The following C10orf90 variants were observed in gnomAD, a reference collection of about 807,000 sequenced individuals.
The protein encoded by C10orf90 is (E2-independent) E3 ubiquitin-conjugating enzyme FATS.
C10orf90 carries 56 observed loss-of-function variants against 62.5 expected under a neutral mutation model. The ratio of observed to expected loss-of-function variants is 0.90; its 90% confidence interval spans 0.72 to 1.12. The LOEUF (loss-of-function observed/expected upper bound fraction) is 1.12. Among genes scored for constraint, C10orf90 ranks in the 50% most tolerant of loss-of-function variants. The pLI is 0.00. For missense variants in C10orf90, 970 were observed against 880.4 expected, an observed-to-expected ratio of 1.10 and a Z score of -1.29; for synonymous variants, 386 against 340.4, an observed-to-expected ratio of 1.13 and a Z score of -1.47.
At chr10:126,491,017 G>C (rs1396887704) in intron 4 of C10orf90, among the ~76,000 whole-genome samples, 1 of 152,144 alleles carries the variant, frequency 6.6e-6, no homozygotes, top group Non-Finnish European at 1.5e-5. Context: ...ATCTCCGTAA[G>C]TAAGCAGAAA....
intron 7 of C10orf90, among the ~76,000 whole-genome samples, chr10:126,447,221 G>A (rs1180170682): frequency 6.6e-6 from 1 of 151,034 alleles, no homozygotes; most frequent in Non-Finnish European, 1.5e-5. Flanking sequence ...AATCAAAAAA[G>A]CATATATACT....
intron 6 of C10orf90, among the ~76,000 whole-genome samples, chr10:126,459,498 C>T (rs72831225): frequency 1.9e-4 from 29 of 152,330 alleles, no homozygotes; most frequent in Admixed American, 3.9e-4. Flanking sequence ...GCAGAGGCAA[C>T]GTCTGCCCAT....
chr10:126,591,343 C>T (rs12414940), intron 2 of C10orf90, among the ~76,000 whole-genome samples: 15,392 of 152,190 alleles, frequency 0.1, 1,166 homozygotes, highest in African/African-American at 0.21. Context: ...AAAAGCTTAT[C>T]GACCATAATC....
At chr10:126,616,228 G>A (rs947804801) in intron 2 of C10orf90, among the ~76,000 whole-genome samples, 2 of 152,126 alleles carry the variant, frequency 1.3e-5, no homozygotes, top group African/African-American at 2.4e-5. Flanking sequence ...CATCTGCCTC[G>A]TATTTATTGA....
chr10:126,615,742 A>G (rs1845528290), intron 2 of C10orf90, among the ~76,000 whole-genome samples: 1 of 152,178 alleles, frequency 6.6e-6, no homozygotes, highest in Non-Finnish European at 1.5e-5. Context: ...CTATGCTCAG[A>G]TCATGGTCAT....
chr10:126,534,676 C>T (rs1034128342), intron 2 of C10orf90, among the ~76,000 whole-genome samples: 22 of 152,144 alleles, frequency 1.4e-4, no homozygotes, highest in Admixed American at 3.9e-4. Flanking sequence ...TCCGGGCCAC[C>T]TTCATTTTTC....
chr10:126,482,577 C>T (rs529880175), intron 4 of C10orf90, among the ~76,000 whole-genome samples: 1 of 152,280 alleles, frequency 6.6e-6, no homozygotes, highest in South Asian at 2.1e-4. Flanking sequence ...AATGGAGAAG[C>T]TGAGAGCTCA....
rs374806847 is a variant in C10orf90 at position 126,605,069 on chromosome 10, A to G, written c.313+41496T>C. The stretch of plus-strand genomic sequence containing the variant: ...AGAACTCGATTTTCAAATGAATGTT[A>G]CTTCATGTCTTCAGTCACACTAATC... On this transcript the variant is annotated intron_variant, in intron 2 of 9. Transcript: ENST00000488181. 5.2e-5 allele frequency among the ~76,000 whole-genome samples: 8 copies of G among 152,384 alleles called. No homozygotes were observed. In the South Asian group the frequency reaches 1.2e-3, roughly 24 times the overall value.
At chr10:126,579,657 C>CA (rs1475417461) in intron 2 of C10orf90, among the ~76,000 whole-genome samples, 2 of 151,440 alleles carry the variant, frequency 1.3e-5, no homozygotes, top group East Asian at 1.9e-4. Flanking sequence ...AGAGAAAAGA[C>CA]AAAAAACAAC....
chr10:126,589,507 C>A (rs1216261861), intron 2 of C10orf90, among the ~76,000 whole-genome samples: 1 of 152,196 alleles, frequency 6.6e-6, no homozygotes, highest in Non-Finnish European at 1.5e-5. Context: ...CAGCAGATCT[C>A]TCAGCAGAAA....
intron 1 of C10orf90, among the ~76,000 whole-genome samples, chr10:126,657,697 C>T (rs1846424552): frequency 6.6e-6 from 1 of 151,128 alleles, no homozygotes; most frequent in Non-Finnish European, 1.5e-5. Context: ...CTCATTGCAA[C>T]CTCTGCCTCC....
intron 7 of C10orf90, among the ~76,000 whole-genome samples, chr10:126,449,360 C>G (rs1022790808): frequency 1.5e-4 from 23 of 152,180 alleles, no homozygotes; most frequent in Admixed American, 1.0e-3. Flanking sequence ...AACTTCTCAA[C>G]AAATTAGGTG....
At chr10:126,433,710 TGAAAACAAAACAAAACAAAAC>T (rs1011179030) in intron 7 of C10orf90, among the ~76,000 whole-genome samples, 2 of 152,206 alleles carry the variant, frequency 1.3e-5, no homozygotes, top group African/African-American at 4.8e-5. Flanking sequence ...GAGCTTTGTT[TGAAAACAAAACAAAACAAAAC>T]GAAAACAAAA....
Position 126,504,121 on chromosome 10 carries a change from C to G in C10orf90, c.1370G>C (p.Cys457Ser), listed in dbSNP as rs1479522479. 1 of 1,614,050 alleles carries G rather than the reference C, an allele frequency of 6.2e-7. No homozygotes were observed. Among genetic ancestry groups the G allele is most frequent in the Non-Finnish European group, 8.5e-7 (1 of 1,180,042 alleles). ...CAATGGAAAAGAACCACTCCAAGGA[C>G]AAGCGCCGGTCCCCAAATGCACCCG... ...LRRVHLGTGA[C>S]PWSGSFPLEN... is the part of the protein sequence containing the mutation. Residue 457 changes from cysteine (C) to serine (S), a missense_variant, in exon 4 of 10, where the codon TGT (cysteine) becomes TCT (serine). Physicochemically the swap from Cys to Ser is moderately radical, Grantham distance 112. Transcript: ENST00000488181. This position sits in a 1 kb window ranked among gnomAD's most constrained non-coding sequence, Gnocchi z 4.1.
At chr10:126,426,243 G>C (rs1407218297) in intron 8 of C10orf90, among the ~76,000 whole-genome samples, 153 bp from the exon 9 acceptor site, 1 of 152,204 alleles carries the variant, frequency 6.6e-6, no homozygotes, top group East Asian at 1.9e-4. Flanking sequence ...AGGACGAAGG[G>C]CTTTCCTGAC....
At chr10:126,568,223 G>A (rs748600305) in intron 2 of C10orf90, among the ~76,000 whole-genome samples, 4 of 152,164 alleles carry the variant, frequency 2.6e-5, no homozygotes, top group South Asian at 2.1e-4. Flanking sequence ...GGACCCAACC[G>A]GGCTCTGTGT....
chr10:126,517,965 C>T (rs1358454802), intron 2 of C10orf90, among the ~76,000 whole-genome samples: 1 of 150,744 alleles, frequency 6.6e-6, no homozygotes, highest in African/African-American at 2.4e-5. Flanking sequence ...GCCTTTTATG[C>T]TCCAGAGCAA....
intron 4 of C10orf90, among the ~76,000 whole-genome samples, chr10:126,501,160 T>C (rs920013596): frequency 5.3e-5 from 8 of 152,230 alleles, no homozygotes; most frequent in Non-Finnish European, 7.3e-5. Context: ...TGCTGCAGTC[T>C]GAAAGCTCTT....
chr10:126,426,884 C>T (rs1039090885), intron 8 of C10orf90, among the ~76,000 whole-genome samples: 1 of 152,172 alleles, frequency 6.6e-6, no homozygotes, highest in African/African-American at 2.4e-5. Flanking sequence ...TGACAATCTT[C>T]GCAGGAGACA....
Sources: gnomAD v4.1 joint callset for allele counts (sites outside exome capture counted in the v4.1 genomes callset) on GRCh38, gnomAD v4.1.1 for gene constraint, Gnocchi (gnomAD v3.1) non-coding constraint, MANE v1.5 for transcripts, NCBI Gene and HGNC (gene_info 2026-07-23, HGNC 2026-07-21) for gene names.